Variants in EPHA7 observed in about 807,000 individuals in gnomAD.
EPHA7 encodes the protein EPH receptor A7.
A neutral mutation model predicts 112.6 loss-of-function variants in EPHA7; 25 were observed. The ratio of observed to expected loss-of-function variants is 0.22; its 90% CI spans 0.16 to 0.31. The LOEUF (loss-of-function observed/expected upper bound fraction) is 0.31. EPHA7 is among the 10% of genes least tolerant of loss of function. EPHA7 has a pLI of 1.00. For synonymous variants in EPHA7, 437 were observed against 406.5 expected (o/e 1.07, Z -0.90); for missense variants, 962 against 1,212.6 (o/e 0.79, Z 3.07).
At chr6:93,296,888 A>C (rs1433166309) in intron 5 of EPHA7, among the ~76,000 whole-genome samples, 1 of 151,974 alleles carries the variant, frequency 6.6e-6, no homozygotes, top group Non-Finnish European at 1.5e-5. Flanking sequence ...CAACATGAGA[A>C]TAGTTAACAA....
At chr6:93,358,851 G>T (rs1489257666) in intron 3 of EPHA7, among the ~76,000 whole-genome samples, 1 of 152,078 alleles carries the variant, frequency 6.6e-6, no homozygotes, top group Non-Finnish European at 1.5e-5. Context: ...TTTGGTTCAT[G>T]TTGAAAAACA....
intron 5 of EPHA7, among the ~76,000 whole-genome samples, chr6:93,310,845 T>TA (rs914940429): frequency 3.3e-5 from 5 of 152,188 alleles, no homozygotes; most frequent in African/African-American, 1.2e-4. Context: ...TGATGGCTAC[T>TA]GGATGATCAG....
intron 3 of EPHA7, among the ~76,000 whole-genome samples, chr6:93,376,637 C>A (rs939139355): frequency 6.6e-6 from 1 of 152,080 alleles, no homozygotes; most frequent in Admixed American, 6.6e-5. Flanking sequence ...TCTTCCGTAT[C>A]AATGTATTTG....
chr6:93,254,943 T>C (rs1770371892), intron 13 of EPHA7, 147 bp from the exon 14 acceptor site: 1 of 567,672 alleles, frequency 1.8e-6, no homozygotes, highest in Non-Finnish European at 3.0e-6. Flanking sequence ...GTATTTAAAG[T>C]TATTTATCTG....
chr6:93,408,255 T>G (rs1208176839), intron 3 of EPHA7, among the ~76,000 whole-genome samples: 8 of 152,086 alleles, frequency 5.3e-5, no homozygotes, highest in Non-Finnish European at 7.4e-5. Flanking sequence ...ATATTGAAAC[T>G]GCTCCTTTCA....
intron 3 of EPHA7, among the ~76,000 whole-genome samples, chr6:93,409,082 C>T (rs1295593019): frequency 2.0e-5 from 3 of 151,870 alleles, no homozygotes; most frequent in Admixed American, 6.6e-5. Flanking sequence ...AAGAGCCACA[C>T]GTGGCTGCTG....
chr6:93,385,019 G>T (rs1777531152), intron 3 of EPHA7, among the ~76,000 whole-genome samples: 1 of 152,066 alleles, frequency 6.6e-6, no homozygotes, highest in Non-Finnish European at 1.5e-5. Flanking sequence ...CATTGAAGAA[G>T]ATTATAGCAA....
intron 3 of EPHA7, among the ~76,000 whole-genome samples, chr6:93,358,986 G>A (rs541866945): frequency 6.6e-6 from 1 of 152,070 alleles, no homozygotes; most frequent in Admixed American, 6.6e-5. Flanking sequence ...ACCAATTTAA[G>A]TTATAAGGCA....
intron 3 of EPHA7, among the ~76,000 whole-genome samples, chr6:93,393,457 A>C (rs1461190739): frequency 1.3e-5 from 2 of 151,864 alleles, no homozygotes; most frequent in African/African-American, 4.8e-5. Flanking sequence ...AACGCCTCTC[A>C]GATTAAACTA....
At chr6:93,399,998 C>T (rs1778361423) in intron 3 of EPHA7, among the ~76,000 whole-genome samples, 1 of 151,974 alleles carries the variant, frequency 6.6e-6, no homozygotes, top group African/African-American at 2.4e-5. Context: ...TAAAGGAGTA[C>T]AAGAATGCCC....
Position 93,259,433 on chromosome 6 carries a change from C to T in EPHA7, c.1845G>A (p.Glu615=), listed in dbSNP as rs1290560771. The part of the protein sequence containing the change: ...TKTYIDPETY[E]DPNRAVHQFA... The stretch of plus-strand genomic sequence containing the variant: ...ATTGATGGACAGCTCTATTTGGGTC[C>T]TCATAGGTTTCAGGGTCAATGTAGG... The change falls in exon 10 of 17, where the codon GAG becomes GAA. Residue 615 remains glutamate (E), a synonymous_variant. Coordinates refer to ENST00000369303, the MANE Select transcript of EPHA7 (RefSeq NM_004440.4). 1.2e-6 allele frequency: 2 copies of T among 1,612,046 alleles called. No individual in the cohort carries two copies. The highest frequency in any genetic ancestry group is 1.7e-5 in the Admixed American group (1 of 59,924).
intron 5 of EPHA7, among the ~76,000 whole-genome samples, chr6:93,278,828 T>G (rs1336066695): frequency 6.6e-6 from 1 of 152,042 alleles, no homozygotes; most frequent in African/African-American, 2.4e-5. Flanking sequence ...ATTCCCAACT[T>G]TTTTTCAATA....
chr6:93,380,931 TG>T lies in EPHA7; in HGVS notation c.833-22521del, dbSNP rs372391561. ...CACTCATAAAATTCAACATGGCAGGTGGTCCTTAATTTTTCACCAAAACTAT... is the reference window on the plus strand; with the variant it reads ...CACTCATAAAATTCAACATGGCAGGTGTCCTTAATTTTTCACCAAAACTAT... On this transcript the variant is annotated intron_variant, in intron 3 of 16. Coordinates refer to ENST00000369303, the MANE Select transcript of EPHA7 (RefSeq NM_004440.4). 5.1e-4 allele frequency among the ~76,000 whole-genome samples: 78 copies of T among 152,266 alleles called. 1 individual carries two copies. Among genetic ancestry groups the T allele is most frequent in the African/African-American group, 1.8e-3 (76 of 41,568 alleles).
chr6:93,395,930 T>G lies in EPHA7; in HGVS notation c.832+14571A>C, dbSNP rs1249200892. On this transcript the variant is annotated intron_variant, in intron 3 of 16. Coordinates refer to ENST00000369303, the MANE Select transcript of EPHA7 (RefSeq NM_004440.4). ...CAGTGGCCTTCAGTTTTATTGGTGCTAACAGGTCCAGACGTTTTCATCGAT... is the reference window on the plus strand; with the variant it reads ...CAGTGGCCTTCAGTTTTATTGGTGCGAACAGGTCCAGACGTTTTCATCGAT... 2.6e-5 allele frequency among the ~76,000 whole-genome samples: 4 copies of G among 152,014 alleles called. No homozygotes were observed. The East Asian group carries it at 5.8e-4, about 22-fold the overall frequency.
chr6:93,292,082 T>C (rs147868935), intron 5 of EPHA7, among the ~76,000 whole-genome samples: 121 of 152,280 alleles, frequency 7.9e-4, no homozygotes, highest in African/African-American at 2.7e-3. Context: ...TATAGTTAAC[T>C]ACAGTAAACA....
At chr6:93,366,490 G>A (rs1462102919) in intron 3 of EPHA7, among the ~76,000 whole-genome samples, 2 of 152,132 alleles carry the variant, frequency 1.3e-5, no homozygotes, top group Non-Finnish European at 2.9e-5. Context: ...TTGAAATGCT[G>A]TCTTTAAAAA....
intron 3 of EPHA7, among the ~76,000 whole-genome samples, chr6:93,387,769 A>C (rs1254778760): frequency 1.3e-5 from 2 of 152,048 alleles, no homozygotes; most frequent in African/African-American, 4.8e-5. Flanking sequence ...AAACCATCAG[A>C]TCTCATAAGA....
At chr6:93,334,807 T>C (rs915227180) in intron 5 of EPHA7, among the ~76,000 whole-genome samples, 3 of 152,120 alleles carry the variant, frequency 2.0e-5, no homozygotes, top group African/African-American at 7.2e-5. Context: ...CTGATAACCA[T>C]GAACATATTT....
rs1244016123 is a variant in EPHA7, at chr6:93,401,428, CA to C, written c.832+9072del. Among the ~76,000 whole-genome samples, 4 of 152,120 alleles carry C rather than the reference CA, an allele frequency of 2.6e-5. No individual in the cohort carries two copies. The South Asian group carries it at 8.3e-4, about 32-fold the overall frequency. On this transcript the variant is annotated intron_variant, in intron 3 of 16. Transcript: ENST00000369303. The stretch of plus-strand genomic sequence containing the variant: ...TGTACATTTGTTTCAGCTGATGTAT[CA>C]CTTTGGCTTCCTGAGAAATGCTATC...
Sources: allele counts gnomAD v4.1 joint callset (sites outside exome capture counted in the v4.1 genomes callset), GRCh38; gene constraint gnomAD v4.1.1; transcripts MANE v1.5; gene names NCBI Gene and HGNC (gene_info 2026-07-23, HGNC 2026-07-21).